Variants in GADL1 observed in about 807,000 individuals in gnomAD.
GADL1 encodes GAD like acidic amino acid decarboxylase 1.
In GADL1, 71 loss-of-function variants were observed where a neutral mutation model predicts 69.5. The ratio of observed to expected loss-of-function variants is 1.02; its 90% CI spans 0.84 to 1.25. The LOEUF (loss-of-function observed/expected upper bound fraction) is 1.25, where lower values mean the gene tolerates loss of function less well. Ranked by LOEUF, GADL1 falls within the 50% of genes most tolerant of loss-of-function variation. GADL1 has a pLI of 0.00. For missense variants in GADL1, 737 were observed against 631.8 expected (o/e 1.17, Z -1.79); for synonymous variants, 254 against 214.4 (o/e 1.18, Z -1.62).
At chr3:30,754,721 GAGCAAAT>G (rs1695923332) in intron 14 of GADL1, among the ~76,000 whole-genome samples, 1 of 151,838 alleles carries the variant, frequency 6.6e-6, no homozygotes, top group Non-Finnish European at 1.5e-5. Context: ...GTGGCTGACA[GAGCAAAT>G]TAAGCAGTGA....
chr3:30,775,518 G>A (rs1452019893), intron 14 of GADL1, among the ~76,000 whole-genome samples: 1 of 152,114 alleles, frequency 6.6e-6, no homozygotes, highest in Non-Finnish European at 1.5e-5. Context: ...TGCAGGGAGA[G>A]AATGATAGGA....
chr3:30,846,028 C>A, intron 6 of GADL1, among the ~76,000 whole-genome samples: 1 of 150,824 alleles, frequency 6.6e-6, no homozygotes, highest in African/African-American at 2.4e-5. Flanking sequence ...AAAATACAAC[C>A]CAATGTCAAT....
intron 14 of GADL1, among the ~76,000 whole-genome samples, chr3:30,733,321 T>A (rs1306630924): frequency 6.6e-6 from 1 of 152,212 alleles, no homozygotes; most frequent in Non-Finnish European, 1.5e-5. Context: ...ATTGCTGCTG[T>A]GGCTTTCTTC....
chr3:30,733,896 C>T (rs145867388), intron 14 of GADL1, among the ~76,000 whole-genome samples: 117 of 152,184 alleles, frequency 7.7e-4, no homozygotes, highest in Middle Eastern at 3.4e-3. Context: ...CCCGTGCCTC[C>T]CCCTTCTGAG....
intron 9 of GADL1, among the ~76,000 whole-genome samples, chr3:30,838,168 A>C (rs1198314898): frequency 6.6e-6 from 1 of 152,150 alleles, no homozygotes; most frequent in African/African-American, 2.4e-5. Context: ...CACTTACCAG[A>C]GGAAAGCTCC....
intron 12 of GADL1, among the ~76,000 whole-genome samples, chr3:30,788,635 G>T (rs1386182882): frequency 6.6e-6 from 1 of 152,200 alleles, no homozygotes; most frequent in Non-Finnish European, 1.5e-5. Flanking sequence ...CTGTTTGAAA[G>T]CATCTTACCC....
At chr3:30,740,697 C>A (rs1695603803) in intron 14 of GADL1, among the ~76,000 whole-genome samples, 1 of 151,648 alleles carries the variant, frequency 6.6e-6, no homozygotes, top group Non-Finnish European at 1.5e-5. Context: ...TATCTACCAG[C>A]CATTTGAATG....
intron 11 of GADL1, among the ~76,000 whole-genome samples, chr3:30,803,222 C>G (rs1422294682): frequency 6.6e-6 from 1 of 152,154 alleles, no homozygotes; most frequent in African/African-American, 2.4e-5. Context: ...ACTTTTAAGT[C>G]TTAGATTTTA....
chr3:30,878,725 A>G (rs1698607728), intron 1 of GADL1, among the ~76,000 whole-genome samples: 1 of 151,900 alleles, frequency 6.6e-6, no homozygotes, highest in Non-Finnish European at 1.5e-5. Flanking sequence ...AGTCAATTCC[A>G]TTTGTTTTAA....
At chr3:30,755,193 AATCAT>A (rs1374125980) in intron 14 of GADL1, among the ~76,000 whole-genome samples, 2 of 152,160 alleles carry the variant, frequency 1.3e-5, no homozygotes, top group African/African-American at 4.8e-5. Context: ...CCTTACTGTA[AATCAT>A]ATCATTTATA....
At chr3:30,774,776 A>G (rs111502885) in intron 14 of GADL1, among the ~76,000 whole-genome samples, 1 of 152,136 alleles carries the variant, frequency 6.6e-6, no homozygotes, top group Non-Finnish European at 1.5e-5. Flanking sequence ...TAAATATTAT[A>G]TTTACTATAA....
chr3:30,784,874 C>A (rs1696754176), intron 13 of GADL1, among the ~76,000 whole-genome samples: 2 of 152,172 alleles, frequency 1.3e-5, no homozygotes. Flanking sequence ...TCTGCAATTC[C>A]ATCACCTGCT....
At chr3:30,740,601 C>A (rs188101523) in intron 14 of GADL1, among the ~76,000 whole-genome samples, 5 of 152,208 alleles carry the variant, frequency 3.3e-5, no homozygotes, top group South Asian at 2.1e-4. Flanking sequence ...CACCTTCCCC[C>A]CAAAGGTCTC....
rs141527998 is a variant in GADL1 at position 30,842,367 on chromosome 3, G to A, written c.786+1843C>T. 3.5e-3 allele frequency among the ~76,000 whole-genome samples: 532 copies of A among 152,180 alleles called. 2 individuals carry two copies. Among genetic ancestry groups the A allele is most frequent in the African/African-American group, 0.012 (510 of 41,514 alleles). On this transcript the variant is annotated intron_variant, in intron 8 of 14. Coordinates refer to ENST00000282538, the MANE Select transcript of GADL1 (RefSeq NM_207359.3). ...TTTGCTTCAAACCTATCTAGTGGTG[G>A]TATGAGGGTATGTGGTACAGATGAA... is the stretch of plus-strand genomic sequence containing the variant.
At chr3:30,799,206 C>T (rs1267573775) in intron 12 of GADL1, 1 of 152,304 alleles carries the variant, frequency 6.6e-6, no homozygotes, top group East Asian at 1.9e-4. Flanking sequence ...AGAGGGTCTC[C>T]ATGAGGGCCC....
At chr3:30,832,547 G>A (rs1697809551) in intron 11 of GADL1, among the ~76,000 whole-genome samples, 1 of 152,082 alleles carries the variant, frequency 6.6e-6, no homozygotes, top group South Asian at 2.1e-4. Context: ...CAACAGATAA[G>A]TTTGTCAGAT....
intron 1 of GADL1, among the ~76,000 whole-genome samples, chr3:30,874,169 C>A (rs774133153): frequency 5.9e-5 from 9 of 151,960 alleles, no homozygotes; most frequent in Middle Eastern, 6.8e-3. Context: ...TGAAACTCAT[C>A]CCTTTATGCC....
chr3:30,776,134 A>G (rs1053360987), intron 14 of GADL1, among the ~76,000 whole-genome samples: 1 of 152,214 alleles, frequency 6.6e-6, no homozygotes, highest in African/African-American at 2.4e-5. Context: ...TTATATATCC[A>G]TACTCAATTT....
chr3:30,814,470 A>G (rs1483237800), intron 11 of GADL1, among the ~76,000 whole-genome samples: 1 of 152,216 alleles, frequency 6.6e-6, no homozygotes, highest in Non-Finnish European at 1.5e-5. Context: ...TTTGCAAGCC[A>G]TATGATCTCT....
Sources: gnomAD v4.1 joint callset for allele counts (sites outside exome capture counted in the v4.1 genomes callset) on GRCh38, gnomAD v4.1.1 for gene constraint, MANE v1.5 for transcripts, NCBI Gene and HGNC (gene_info 2026-07-23, HGNC 2026-07-21) for gene names.